DNAJC1: variants seen among roughly 807,000 people sequenced by gnomAD.
DNAJC1 encodes dnaJ homolog subfamily C member 1.
In DNAJC1, 58 loss-of-function variants were observed where a neutral mutation model predicts 76.6. That is an observed-to-expected ratio of 0.76 (90% CI 0.61 to 0.94). The LOEUF (loss-of-function observed/expected upper bound fraction) is 0.94, where lower values mean the gene tolerates loss of function less well. Ranked by LOEUF, DNAJC1 falls within the 40% of genes least tolerant of loss-of-function variation. The probability of loss-of-function intolerance (pLI) is 0.00; values close to 1 mark genes in which losing one functional copy is unlikely to be tolerated. For missense variants in DNAJC1, 689 were observed against 677.3 expected (o/e 1.02, Z -0.19); for synonymous variants, 258 against 267.9 (o/e 0.96, Z 0.36).
At chr10:21,939,874 CTT>C (rs1288175784) in intron 1 of DNAJC1, among the ~76,000 whole-genome samples, 1 of 148,964 alleles carries the variant, frequency 6.7e-6, no homozygotes, top group African/African-American at 2.5e-5. Flanking sequence ...ACTTTGCCCT[CTT>C]TACTCTGACC....
intron 8 of DNAJC1, among the ~76,000 whole-genome samples, chr10:21,831,807 A>AAAT (rs1403698017): frequency 6.6e-6 from 1 of 151,572 alleles, no homozygotes; most frequent in East Asian, 1.9e-4. Context: ...AAAAAAAAAA[A>AAAT]ATGCTTAATC....
chr10:21,865,786 A>G (rs1271565629), intron 8 of DNAJC1: 1 of 152,138 alleles, frequency 6.6e-6, no homozygotes, highest in Non-Finnish European at 1.5e-5. Context: ...TAATCAATAC[A>G]AAAGACTTAA....
At chr10:21,994,670 AG>A (rs1262032408) in intron 1 of DNAJC1, among the ~76,000 whole-genome samples, 2 of 152,010 alleles carry the variant, frequency 1.3e-5, no homozygotes, top group Non-Finnish European at 2.9e-5. Context: ...GGGCGCCTGT[AG>A]TCCCAGCTAC....
At chr10:21,936,087 T>TC (rs1029995900) in intron 1 of DNAJC1, among the ~76,000 whole-genome samples, 4 of 152,156 alleles carry the variant, frequency 2.6e-5, no homozygotes, top group African/African-American at 7.2e-5. Flanking sequence ...TGAAATCTAA[T>TC]CCCCCATGTG....
chr10:21,773,369 T>C (rs1347385499), intron 9 of DNAJC1, among the ~76,000 whole-genome samples: 2 of 152,218 alleles, frequency 1.3e-5, no homozygotes, highest in Non-Finnish European at 2.9e-5. Context: ...ATTTCCCTCA[T>C]TATTTCTTCC....
chr10:21,899,627 C>T (rs550386644), intron 7 of DNAJC1, among the ~76,000 whole-genome samples: 1 of 152,338 alleles, frequency 6.6e-6, no homozygotes, highest in East Asian at 1.9e-4. Flanking sequence ...TTCTTCCTCA[C>T]TGGGCTGGAC....
At chr10:21,938,250 G>A (rs1038100303) in intron 1 of DNAJC1, among the ~76,000 whole-genome samples, 1 of 151,516 alleles carries the variant, frequency 6.6e-6, no homozygotes, top group African/African-American at 2.4e-5. Flanking sequence ...CAAATCTCTA[G>A]AGAAGGATAC....
chr10:21,871,324 G>A (rs1836100634), intron 8 of DNAJC1, among the ~76,000 whole-genome samples: 2 of 148,958 alleles, frequency 1.3e-5, no homozygotes, highest in African/African-American at 2.5e-5. Context: ...TGACATTAAG[G>A]CTATGTAGAA....
At chr10:21,843,976 G>A (rs975426632) in intron 8 of DNAJC1, among the ~76,000 whole-genome samples, 1 of 152,084 alleles carries the variant, frequency 6.6e-6, no homozygotes, top group African/African-American at 2.4e-5. Flanking sequence ...CCCCCATACT[G>A]TTCTCATGGT....
intron 9 of DNAJC1, among the ~76,000 whole-genome samples, chr10:21,786,811 T>A (rs1284144306): frequency 6.6e-6 from 1 of 152,140 alleles, no homozygotes; most frequent in Non-Finnish European, 1.5e-5. Context: ...CATCTATCCC[T>A]ACCTGATATT....
At chr10:21,950,654 C>A (rs531441960) in intron 1 of DNAJC1, among the ~76,000 whole-genome samples, 4 of 152,278 alleles carry the variant, frequency 2.6e-5, no homozygotes, top group Admixed American at 2.0e-4. Context: ...TTGCACCAAA[C>A]AGGCAAGTAT....
intron 3 of DNAJC1, 140 bp downstream of exon 3, chr10:21,928,365 AT>A: frequency 1.4e-6 from 1 of 717,182 alleles, no homozygotes; most frequent in South Asian, 2.1e-5. Flanking sequence ...TCAAACACAC[AT>A]TTTTAAAACA....
chr10:21,981,961 C>G (rs1168437281), intron 1 of DNAJC1, among the ~76,000 whole-genome samples: 1 of 152,160 alleles, frequency 6.6e-6, no homozygotes, highest in Non-Finnish European at 1.5e-5. Flanking sequence ...TCCCCACCAA[C>G]CCCCAGGCGA....
intron 6 of DNAJC1, among the ~76,000 whole-genome samples, chr10:21,908,914 C>G (rs1389886647): frequency 1.3e-5 from 2 of 151,828 alleles, no homozygotes; most frequent in Non-Finnish European, 1.5e-5. Flanking sequence ...AAGACAGAGT[C>G]TCGCTGTGTC....
At chr10:21,802,544 AT>A (rs1834824950) in intron 9 of DNAJC1, among the ~76,000 whole-genome samples, 1 of 152,132 alleles carries the variant, frequency 6.6e-6, no homozygotes, top group Non-Finnish European at 1.5e-5. Flanking sequence ...GGCTACATAT[AT>A]AACTACACAC....
chr10:21,956,094 T>C (rs752361252), intron 1 of DNAJC1, among the ~76,000 whole-genome samples: 2 of 151,982 alleles, frequency 1.3e-5, no homozygotes, highest in African/African-American at 2.4e-5. Flanking sequence ...GCTCTGGAGG[T>C]TGAGGAGTCC....
chr10:21,799,474 C>A (rs1425036070), intron 9 of DNAJC1, among the ~76,000 whole-genome samples: 1 of 151,950 alleles, frequency 6.6e-6, no homozygotes, highest in Non-Finnish European at 1.5e-5. Context: ...ATTTTTCTTT[C>A]CTTTTCTTGT....
At chr10:21,802,274 C>CT (rs1786268364) in intron 9 of DNAJC1, among the ~76,000 whole-genome samples, 1 of 152,010 alleles carries the variant, frequency 6.6e-6, no homozygotes. Flanking sequence ...AAGGACAGTC[C>CT]TTATCATGTT....
intron 6 of DNAJC1, among the ~76,000 whole-genome samples, chr10:21,910,862 G>A (rs1260849991): frequency 2.1e-5 from 3 of 143,528 alleles, no homozygotes; most frequent in Non-Finnish European, 3.1e-5. Context: ...GAGAGGAGAG[G>A]AGAGGAGAGG....
Sources: gnomAD v4.1 joint callset for allele counts (sites outside exome capture counted in the v4.1 genomes callset) on GRCh38, gnomAD v4.1.1 for gene constraint, MANE v1.5 for transcripts, NCBI Gene and HGNC (gene_info 2026-07-23, HGNC 2026-07-21) for gene names.